Variants in DGKB observed in about 807,000 individuals in gnomAD.
DGKB encodes 90 kDa diacylglycerol kinase.
In DGKB, 67 loss-of-function variants were observed where a neutral mutation model predicts 114.3. The ratio of observed to expected loss-of-function variants is 0.59; its 90% CI spans 0.48 to 0.72. The LOEUF is 0.72. Among genes scored for constraint, DGKB ranks in the 30% least tolerant of loss-of-function variants. The pLI is 0.00. For missense variants in DGKB, 907 were observed against 975.2 expected, an observed-to-expected ratio of 0.93 and a Z score of 0.93; for synonymous variants, 398 against 323.1, an observed-to-expected ratio of 1.23 and a Z score of -2.49.
chr7:14,677,007 A>G (rs1025083143), intron 12 of DGKB, among the ~76,000 whole-genome samples: 3 of 152,054 alleles, frequency 2.0e-5, no homozygotes, highest in Non-Finnish European at 2.9e-5. Context: ...GGAAAATCAT[A>G]TAATAGAAAC....
At chr7:14,529,981 C>A (rs1791292392) in intron 20 of DGKB, among the ~76,000 whole-genome samples, 2 of 151,668 alleles carry the variant, frequency 1.3e-5, no homozygotes, top group Admixed American at 6.6e-5. Flanking sequence ...ACCTGAGCAG[C>A]TACTCATAAA....
intron 5 of DGKB, among the ~76,000 whole-genome samples, chr7:14,720,229 A>G (rs1245172638): frequency 6.6e-6 from 1 of 152,188 alleles, no homozygotes; most frequent in East Asian, 1.9e-4. Context: ...AATTGAGTTT[A>G]CTAGCCACCA....
intron 21 of DGKB, among the ~76,000 whole-genome samples, chr7:14,348,086 G>A (rs1164519289): frequency 6.6e-6 from 1 of 151,944 alleles, no homozygotes; most frequent in South Asian, 2.1e-4. Context: ...CATTGATACA[G>A]TTAAGATGCA....
rs1228893050 is a variant in DGKB at position 14,145,768 on chromosome 7, T to C, written c.*3363A>G. 6.6e-6 allele frequency: 1 copy of C among 152,206 alleles called. No homozygotes were observed. The highest frequency in any genetic ancestry group is 1.5e-5 in the Non-Finnish European group (1 of 68,044). The allele number at this position is 152,206 out of a possible 1,614,324, so 9.4% of individuals were successfully genotyped here. On this transcript the variant is annotated 3_prime_UTR_variant, in exon 26 of 26. Coordinates refer to ENST00000402815, the MANE Select transcript of DGKB (RefSeq NM_001350709.2). Reference sequence around the variant, plus strand: ...CATTGCGCCTGGCCACATTTTCCTTTTTATAACCAATGAACAACAAACTAA... The same window carrying C: ...CATTGCGCCTGGCCACATTTTCCTTCTTATAACCAATGAACAACAAACTAA...
At chr7:14,261,928 C>G (rs1179592185) in intron 23 of DGKB, among the ~76,000 whole-genome samples, 1 of 152,092 alleles carries the variant, frequency 6.6e-6, no homozygotes, top group African/African-American at 2.4e-5. Flanking sequence ...TGTACAACTC[C>G]TCAATTAAAT....
intron 20 of DGKB, among the ~76,000 whole-genome samples, chr7:14,524,184 T>G (rs1334522506): frequency 2.0e-5 from 3 of 152,186 alleles, no homozygotes; most frequent in African/African-American, 7.2e-5. Context: ...ATATTTCATA[T>G]TCTAAAAATT....
intron 25 of DGKB, among the ~76,000 whole-genome samples, chr7:14,169,260 G>T (rs929849717): frequency 3.3e-5 from 5 of 151,440 alleles, no homozygotes; most frequent in Non-Finnish European, 7.4e-5. Flanking sequence ...AGCTACTCGG[G>T]AGGCTGAGGC....
In DGKB at chr7:14,546,721, G is replaced by T. The variant is rs1416374605; in HGVS notation, c.1770+27491C>A. On this transcript the variant is annotated intron_variant, in intron 20 of 25. Coordinates refer to ENST00000402815, the MANE Select transcript of DGKB (RefSeq NM_001350709.2). ...ATACTGTTGGGACCCAGCTAGAAAA[G>T]AATGGACTCAACTGACCTGAAAGAT... Among the ~76,000 whole-genome samples, 3 of 152,296 alleles carry T rather than the reference G, an allele frequency of 2.0e-5. No individual in the cohort carries two copies. In the South Asian group the frequency reaches 6.2e-4, roughly 32 times the overall value.
chr7:14,963,584 T>C (rs893320093), intron 1 of DGKB, among the ~76,000 whole-genome samples: 6 of 152,316 alleles, frequency 3.9e-5, no homozygotes, highest in South Asian at 2.1e-4. Context: ...TAAATTCACA[T>C]TGGAGTGGAG....
intron 23 of DGKB, among the ~76,000 whole-genome samples, chr7:14,295,343 C>A (rs772969810): frequency 2.0e-5 from 3 of 152,038 alleles, no homozygotes; most frequent in Non-Finnish European, 4.4e-5. Flanking sequence ...TCAGAGCTTT[C>A]TATGTTAGAT....
At chr7:14,726,349 A>G (rs2128373048) in intron 5 of DGKB, among the ~76,000 whole-genome samples, 1 of 152,112 alleles carries the variant, frequency 6.6e-6, no homozygotes, top group Admixed American at 6.5e-5. Flanking sequence ...TATGTTGGCC[A>G]GGCTGGTTTC....
intron 23 of DGKB, among the ~76,000 whole-genome samples, chr7:14,208,483 C>T (rs1330343154): frequency 6.6e-6 from 1 of 152,004 alleles, no homozygotes; most frequent in African/African-American, 2.4e-5. Flanking sequence ...AACAGTTTCC[C>T]TCCCTTTTGC....
intron 23 of DGKB, among the ~76,000 whole-genome samples, chr7:14,261,628 T>C (rs1203601562): frequency 1.3e-5 from 2 of 152,160 alleles, no homozygotes; most frequent in Admixed American, 6.6e-5. Context: ...ATATAGTCTA[T>C]ACATGACTAA....
intron 16 of DGKB, among the ~76,000 whole-genome samples, chr7:14,611,650 A>C (rs1805564511): frequency 6.6e-6 from 1 of 152,040 alleles, no homozygotes; most frequent in African/African-American, 2.4e-5. Context: ...GAAGAGCTCG[A>C]AGTTGAAGCC....
chr7:14,268,269 C>T (rs1797804951), intron 23 of DGKB, among the ~76,000 whole-genome samples: 2 of 152,046 alleles, frequency 1.3e-5, no homozygotes, highest in Admixed American at 6.6e-5. Flanking sequence ...ATTTCTCTCA[C>T]ATCACCAGAT....
intron 2 of DGKB, among the ~76,000 whole-genome samples, chr7:14,777,685 T>A (rs977663582): frequency 5.5e-4 from 84 of 152,186 alleles, no homozygotes; most frequent in African/African-American, 2.0e-3. Context: ...TCTCTTTCCT[T>A]TATAAATTAC....
At chr7:14,689,332 C>T (rs1217705032) in intron 9 of DGKB, among the ~76,000 whole-genome samples, 1 of 150,894 alleles carries the variant, frequency 6.6e-6, no homozygotes, top group Non-Finnish European at 1.5e-5. Context: ...TCACCCACTG[C>T]GCCCGGCTAA....
chr7:14,682,353 C>T (rs1331558520), intron 12 of DGKB, among the ~76,000 whole-genome samples, 200 bp downstream of exon 12: 1 of 152,026 alleles, frequency 6.6e-6, no homozygotes, highest in Admixed American at 6.6e-5. Flanking sequence ...TTGTCACCAG[C>T]TCTAAAATTC....
At chr7:14,609,457 A>G (rs1020101647) in intron 16 of DGKB, among the ~76,000 whole-genome samples, 5 of 152,008 alleles carry the variant, frequency 3.3e-5, no homozygotes, top group Non-Finnish European at 7.4e-5. Context: ...CCTAGGAAAT[A>G]CCCCACGTGA....
Sources: gnomAD v4.1 joint callset for allele counts (sites outside exome capture counted in the v4.1 genomes callset) on GRCh38, gnomAD v4.1.1 for gene constraint, MANE v1.5 for transcripts, NCBI Gene and HGNC (gene_info 2026-07-23, HGNC 2026-07-21) for gene names.